The following HTR7 variants were observed in gnomAD, a reference collection of about 807,000 sequenced individuals.
The protein encoded by HTR7 is 5-hydroxytryptamine receptor 7.
A neutral mutation model predicts 34.0 loss-of-function variants in HTR7; 16 were observed. That is an observed-to-expected ratio of 0.47 (90% CI 0.32 to 0.71). The LOEUF (loss-of-function observed/expected upper bound fraction) is 0.71, where lower values mean the gene tolerates loss of function less well. Ranked by LOEUF, HTR7 falls within the 30% of genes least tolerant of loss-of-function variation. HTR7 has a pLI of 0.04. For missense variants in HTR7, 504 were observed against 625.5 expected (o/e 0.81, Z 2.07); for synonymous variants, 265 against 260.2 (o/e 1.02, Z -0.18).
chr10:90,795,497 T>A (rs1845524283), intron 1 of HTR7, among the ~76,000 whole-genome samples: 1 of 152,144 alleles, frequency 6.6e-6, no homozygotes, highest in South Asian at 2.1e-4. Flanking sequence ...TAGAAGACAT[T>A]ATCAGTTTAG....
chr10:90,826,176 G>C (rs1846070168), intron 1 of HTR7, among the ~76,000 whole-genome samples: 1 of 152,006 alleles, frequency 6.6e-6, no homozygotes, highest in South Asian at 2.1e-4. Context: ...AAACCTTACA[G>C]GCCAGGAAAG....
chr10:90,751,055 T>C (rs1412934802), intron 1 of HTR7, among the ~76,000 whole-genome samples: 1 of 152,112 alleles, frequency 6.6e-6, no homozygotes, highest in East Asian at 1.9e-4. Context: ...TCTGATCCCT[T>C]CCAAGGAGCC....
intron 1 of HTR7, among the ~76,000 whole-genome samples, chr10:90,798,466 T>C (rs966107732): frequency 1.3e-5 from 2 of 152,148 alleles, no homozygotes; most frequent in African/African-American, 2.4e-5. Flanking sequence ...GACTCATGCC[T>C]GGTGCTGGGA....
intron 1 of HTR7, among the ~76,000 whole-genome samples, chr10:90,772,700 T>C (rs1845135803): frequency 1.3e-5 from 2 of 152,216 alleles, no homozygotes; most frequent in African/African-American, 4.8e-5. Flanking sequence ...AAACATGGTA[T>C]ATATTTTCCT....
intron 1 of HTR7, among the ~76,000 whole-genome samples, chr10:90,799,252 A>C (rs1461808450): frequency 6.6e-6 from 1 of 151,960 alleles, no homozygotes; most frequent in Non-Finnish European, 1.5e-5. Context: ...ACACCCACCA[A>C]ATTTTCCTTA....
intron 1 of HTR7, among the ~76,000 whole-genome samples, chr10:90,831,511 T>C (rs1398991622): frequency 6.6e-6 from 1 of 152,178 alleles, no homozygotes; most frequent in Admixed American, 6.5e-5. Flanking sequence ...AAGTGGGCAG[T>C]AGCAAGATCT....
At chr10:90,744,524 T>TTAC (rs1259628994) in intron 2 of HTR7, among the ~76,000 whole-genome samples, 3 of 144,530 alleles carry the variant, frequency 2.1e-5, no homozygotes, top group Non-Finnish European at 4.5e-5. Flanking sequence ...CACTGATGGC[T>TTAC]TACTACTACA....
At chr10:90,819,168 A>G (rs1306695325) in intron 1 of HTR7, among the ~76,000 whole-genome samples, 1 of 152,236 alleles carries the variant, frequency 6.6e-6, no homozygotes, top group Non-Finnish European at 1.5e-5. Flanking sequence ...AAAATGAAGT[A>G]AGAGATATTA....
At position 90,743,742 on chromosome 10, in the gene HTR7, A is replaced by T. The variant is rs753027687; in HGVS notation, c.1296-52T>A. On this transcript the variant is annotated intron_variant, in intron 2 of 3. Coordinates refer to ENST00000336152, the MANE Select transcript of HTR7 (RefSeq NM_019859.4). ...ATCCATAAGTAAATCAAATTTTAAA[A>T]GAAAAAAAGAATCCTTGATTATATT... The T allele has an allele frequency of 8.4e-6, 11 of 1,315,590 alleles. No individual in the cohort carries two copies. The South Asian group carries it at 1.2e-4, about 14-fold the overall frequency. 81.5% of individuals were successfully genotyped at this position (1,315,590 alleles called of 1,614,324 possible).
intron 1 of HTR7, among the ~76,000 whole-genome samples, chr10:90,751,572 C>A (rs1025245951): frequency 6.6e-6 from 1 of 152,180 alleles, no homozygotes; most frequent in Non-Finnish European, 1.5e-5. Context: ...GGTTACTTTA[C>A]ACAATTCCCC....
chr10:90,805,494 CATAACAA>C (rs778190446), intron 1 of HTR7, among the ~76,000 whole-genome samples: 17 of 152,212 alleles, frequency 1.1e-4, no homozygotes, highest in Non-Finnish European at 1.9e-4. Context: ...TTAAAGTTAA[CATAACAA>C]ACCTTGCTTG....
chr10:90,747,638 G>C (rs1344264167), intron 2 of HTR7, among the ~76,000 whole-genome samples: 2 of 152,162 alleles, frequency 1.3e-5, no homozygotes, highest in African/African-American at 4.8e-5. Flanking sequence ...CTAAGTGTGA[G>C]ACATCTCACT....
chr10:90,793,168 T>A (rs1845485498), intron 1 of HTR7, among the ~76,000 whole-genome samples: 1 of 152,210 alleles, frequency 6.6e-6, no homozygotes, highest in East Asian at 1.9e-4. Flanking sequence ...AGAATTAATA[T>A]CCAGAATATA....
At chr10:90,773,968 T>C (rs1845163514) in intron 1 of HTR7, among the ~76,000 whole-genome samples, 1 of 152,172 alleles carries the variant, frequency 6.6e-6, no homozygotes, top group Admixed American at 6.5e-5. Flanking sequence ...CTATTTTTTT[T>C]TCCGATCTGC....
chr10:90,834,949 T>C (rs906535837), intron 1 of HTR7, among the ~76,000 whole-genome samples: 5 of 152,178 alleles, frequency 3.3e-5, no homozygotes, highest in Admixed American at 3.3e-4. Flanking sequence ...AAGTGATATC[T>C]TGGGACAGGG....
At chr10:90,751,253 A>C (rs376542341) in intron 1 of HTR7, among the ~76,000 whole-genome samples, 311 of 152,284 alleles carry the variant, frequency 2.0e-3, no homozygotes, top group African/African-American at 6.9e-3. Flanking sequence ...GCTAAGAAAA[A>C]GGCGGGCAGT....
intron 1 of HTR7, among the ~76,000 whole-genome samples, chr10:90,855,285 C>T (rs1336858939): frequency 1.3e-5 from 2 of 152,166 alleles, no homozygotes; most frequent in African/African-American, 2.4e-5. Context: ...ACATGCCTGC[C>T]GATGCTAAGT....
intron 1 of HTR7, among the ~76,000 whole-genome samples, chr10:90,799,303 T>G (rs1254323559): frequency 6.6e-6 from 1 of 151,946 alleles, no homozygotes; most frequent in Non-Finnish European, 1.5e-5. Flanking sequence ...CTGATTTGAG[T>G]AATAAAACTC....
Position 90,857,421 on chromosome 10 carries a change from A to C in HTR7, c.251T>G (p.Ile84Ser). The change falls in exon 1 of 4, where the codon ATC becomes AGC. Residue 84 changes from isoleucine to serine, a missense_variant. By Grantham distance (142) the Ile-to-Ser change is moderately radical (BLOSUM62 -2). Transcript: ENST00000336152. The surrounding 1 kb of genome is among the most constrained non-coding windows in gnomAD (Gnocchi z 6.5). Reference protein sequence around the residue: ...INYGRVEKVVIGSILTLITLL... With the variant: ...INYGRVEKVVSGSILTLITLL... ...CGTGATGAGCGTCAGGATGGAGCCG[A>C]TCACAACTTTCTCGACTCTGCCGTA... The C allele has an allele frequency of 3.7e-6, 6 of 1,614,014 alleles. No homozygotes were observed. Among genetic ancestry groups the C allele is most frequent in the Non-Finnish European group, 5.1e-6 (6 of 1,180,014 alleles).
Sources: allele counts gnomAD v4.1 joint callset (sites outside exome capture counted in the v4.1 genomes callset), GRCh38; gene constraint gnomAD v4.1.1; non-coding constraint Gnocchi (gnomAD v3.1); transcripts MANE v1.5; gene names NCBI Gene and HGNC (gene_info 2026-07-23, HGNC 2026-07-21).